The following PLEKHM3 variants were observed in gnomAD, a reference collection of about 807,000 sequenced individuals.
PLEKHM3 encodes the protein pleckstrin homology domain-containing family M member 3.
A neutral mutation model predicts 81.8 loss-of-function variants in PLEKHM3; 45 were observed. The observed-to-expected ratio is 0.55, with a 90% confidence interval of 0.43 to 0.71. The LOEUF (loss-of-function observed/expected upper bound fraction) is 0.71. PLEKHM3 is among the 30% of genes least tolerant of loss of function. PLEKHM3 has a pLI of 0.00. For synonymous variants in PLEKHM3, 352 were observed against 356.4 expected (o/e 0.99, Z 0.14); for missense variants, 788 against 924.3 (o/e 0.85, Z 1.91).
intron 4 of PLEKHM3, among the ~76,000 whole-genome samples, chr2:207,935,204 C>T (rs998588358): frequency 1.3e-5 from 2 of 152,188 alleles, no homozygotes; most frequent in African/African-American, 4.8e-5. Flanking sequence ...ATGCCACACA[C>T]CACTTTGTTT....
chr2:207,955,281 T>A (rs1456206115), intron 3 of PLEKHM3, among the ~76,000 whole-genome samples: 1 of 152,196 alleles, frequency 6.6e-6, no homozygotes, highest in African/African-American at 2.4e-5. Flanking sequence ...TTCTAGTATA[T>A]TGAAATCAGT....
At chr2:207,925,942 C>T (rs191082370) in intron 5 of PLEKHM3, among the ~76,000 whole-genome samples, 8 of 152,002 alleles carry the variant, frequency 5.3e-5, no homozygotes, top group Admixed American at 2.0e-4. Flanking sequence ...AGATGAACTT[C>T]CTGACCGAGT....
intron 2 of PLEKHM3, among the ~76,000 whole-genome samples, chr2:207,980,330 G>T (rs902827168): frequency 9.2e-5 from 14 of 152,126 alleles, no homozygotes; most frequent in Admixed American, 2.6e-4. Flanking sequence ...AGCTAGGGTG[G>T]CAGGTGCCAG....
rs1284079775 is a variant in PLEKHM3, at chr2:207,823,830, A to T, written c.*4489T>A. On this transcript the variant is annotated 3_prime_UTR_variant, in exon 8 of 8. Coordinates refer to ENST00000427836, the MANE Select transcript of PLEKHM3 (RefSeq NM_001080475.3). ...GTCTTTTACCTAGAGTTTAACAATG[A>T]CTTGGATTTTCCCTCAGCCATGCAC... 2.6e-5 allele frequency: 4 copies of T among 152,166 alleles called. No homozygotes were observed. The East Asian group carries it at 7.7e-4, about 29-fold the overall frequency. The allele number at this position is 152,166 out of a possible 1,614,324, so 9.4% of individuals were successfully genotyped here.
chr2:207,949,440 T>C (rs971248943), intron 3 of PLEKHM3, among the ~76,000 whole-genome samples: 1 of 152,192 alleles, frequency 6.6e-6, no homozygotes, highest in Non-Finnish European at 1.5e-5. Context: ...ACTGGAAGGC[T>C]GAGGTGGGAG....
chr2:207,873,308 T>C (rs1574357388), intron 6 of PLEKHM3, among the ~76,000 whole-genome samples: 2 of 152,282 alleles, frequency 1.3e-5, no homozygotes, highest in East Asian at 3.9e-4. Context: ...CCCAGCTATG[T>C]CCCCAGTAAG....
At chr2:208,000,536 AC>A (rs1692261246) in intron 2 of PLEKHM3, among the ~76,000 whole-genome samples, 2 of 152,150 alleles carry the variant, frequency 1.3e-5, no homozygotes, top group South Asian at 4.1e-4. Context: ...ATTACCGAGT[AC>A]CTTCTTGAGT....
chr2:207,940,206 G>A (rs1289447843), intron 4 of PLEKHM3, among the ~76,000 whole-genome samples: 1 of 152,142 alleles, frequency 6.6e-6, no homozygotes, highest in African/African-American at 2.4e-5. Flanking sequence ...GCAACTAGCT[G>A]TTATATAGAT....
chr2:207,897,461 T>C (rs1688262822), intron 6 of PLEKHM3, among the ~76,000 whole-genome samples: 1 of 152,204 alleles, frequency 6.6e-6, no homozygotes, highest in Non-Finnish European at 1.5e-5. Context: ...GCTTTATGCA[T>C]ACTAACTCTA....
intron 5 of PLEKHM3, among the ~76,000 whole-genome samples, chr2:207,910,416 G>C (rs1688774609): frequency 6.6e-6 from 1 of 152,198 alleles, no homozygotes. Context: ...AGGTCACTGA[G>C]CTTGGCACTG....
rs1170073686 is a variant in PLEKHM3 at position 207,956,718 on chromosome 2, ATTTTTTTTTTT to A, written c.1547-10217_1547-10207del. ...ATGCCACCACACCTGGCTGATTAAA[ATTTTTTTTTTT>A]TTTTTTTTTTTTTTTTTGCAGAGAC... On this transcript the variant is annotated intron_variant, in intron 3 of 7. Transcript: ENST00000427836. Among the ~76,000 whole-genome samples, 73 of 69,148 alleles carry A rather than the reference ATTTTTTTTTTT, an allele frequency of 1.1e-3. 1 individual carries two copies. The highest frequency in any genetic ancestry group is 4.6e-3 in the East Asian group (11 of 2,398). The allele number at this position is 69,148 out of a possible 152,430, so 45.4% of individuals were successfully genotyped here.
intron 1 of PLEKHM3, among the ~76,000 whole-genome samples, chr2:208,011,765 T>A (rs1328589820): frequency 6.6e-6 from 1 of 150,534 alleles, no homozygotes; most frequent in African/African-American, 2.4e-5. Context: ...ATAAAAAAAA[T>A]TTTTAAGTGC....
At chr2:207,955,683 C>T (rs558377961) in intron 3 of PLEKHM3, among the ~76,000 whole-genome samples, 1 of 152,272 alleles carries the variant, frequency 6.6e-6, no homozygotes, top group Admixed American at 6.5e-5. Flanking sequence ...AAAGGCAGAG[C>T]CTAATAAAAG....
intron 6 of PLEKHM3, chr2:207,869,033 T>TA (rs2092518183): frequency 6.6e-6 from 1 of 152,238 alleles, no homozygotes; most frequent in Non-Finnish European, 1.5e-5. Context: ...GCCTCAAACT[T>TA]AATCTGAATC....
At chr2:207,891,305 T>C (rs1350087757) in intron 6 of PLEKHM3, among the ~76,000 whole-genome samples, 3 of 152,238 alleles carry the variant, frequency 2.0e-5, no homozygotes, top group Non-Finnish European at 2.9e-5. Flanking sequence ...GCAGCCCTCA[T>C]GGGGCATTCA....
intron 6 of PLEKHM3, among the ~76,000 whole-genome samples, chr2:207,890,788 T>C (rs1433540149): frequency 6.6e-6 from 1 of 152,348 alleles, no homozygotes; most frequent in Middle Eastern, 3.4e-3. Flanking sequence ...TTGCTTCTTC[T>C]ATTAGGCCAT....
intron 6 of PLEKHM3, among the ~76,000 whole-genome samples, chr2:207,902,580 A>G (rs1334822014): frequency 6.6e-6 from 1 of 152,220 alleles, no homozygotes; most frequent in Non-Finnish European, 1.5e-5. Context: ...TGTTCAGGAT[A>G]TGGAGTGTTC....
At chr2:208,019,922 A>G (rs1440562821) in intron 1 of PLEKHM3, among the ~76,000 whole-genome samples, 1 of 152,272 alleles carries the variant, frequency 6.6e-6, no homozygotes, top group East Asian at 1.9e-4. Context: ...TGAACGTGGA[A>G]GAGAAGTTGT....
chr2:207,912,748 A>C (rs1224209298), intron 5 of PLEKHM3, among the ~76,000 whole-genome samples: 1 of 152,196 alleles, frequency 6.6e-6, no homozygotes, highest in Non-Finnish European at 1.5e-5. Flanking sequence ...ATTTTTTTGC[A>C]GCTATTTAGA....
Sources: allele counts gnomAD v4.1 joint callset (sites outside exome capture counted in the v4.1 genomes callset), GRCh38; gene constraint gnomAD v4.1.1; transcripts MANE v1.5; gene names NCBI Gene and HGNC (gene_info 2026-07-23, HGNC 2026-07-21).